NRXN1: variants seen among roughly 807,000 people sequenced by gnomAD.
NRXN1 encodes neurexin 1, also known as neurexin-1.
A neutral mutation model predicts 150.9 loss-of-function variants in NRXN1; 39 were observed. The observed-to-expected ratio is 0.26, with a 90% CI of 0.20 to 0.34. NRXN1 has a LOEUF of 0.34. Among genes scored for constraint, NRXN1 ranks in the 10% least tolerant of loss-of-function variants. The pLI is 1.00. For synonymous variants in NRXN1, 924 were observed against 757.0 expected (o/e 1.22, Z -3.62); for missense variants, 1,815 against 1,949.9 (o/e 0.93, Z 1.30).
rs1481154565 is a variant in NRXN1 at position 50,531,277 on chromosome 2, G to A, written c.2297C>T (p.Thr766Ile). ...TCCTGCGTCTAGCTCCAGGCGGAGG[G>A]TGTCAGCAGAGTCTCTAGAAGTGGT... ...MATTSRDSAD[T>I]LRLELDAGRV... Residue 766 changes from threonine to isoleucine, a missense_variant, in exon 11 of 23, where the codon ACC becomes ATC. Coordinates refer to ENST00000401669, the MANE Select transcript of NRXN1 (RefSeq NM_001330078.2). 6.2e-7 allele frequency: 1 copy of A among 1,613,594 alleles called. No homozygotes were observed. Among genetic ancestry groups the A allele is most frequent in the South Asian group, 1.1e-5 (1 of 91,042 alleles).
chr2:50,864,626 A>T (rs1676613209), intron 5 of NRXN1, among the ~76,000 whole-genome samples: 1 of 152,052 alleles, frequency 6.6e-6, no homozygotes, highest in Non-Finnish European at 1.5e-5. Context: ...ATACTGCCAT[A>T]TCACAAAAAA....
intron 15 of NRXN1, among the ~76,000 whole-genome samples, chr2:50,486,096 C>G (rs1210693802): frequency 1.3e-5 from 2 of 152,062 alleles, no homozygotes; most frequent in Non-Finnish European, 2.9e-5. Flanking sequence ...GGTACAAAAC[C>G]TTAACACAAT....
At chr2:50,020,911 T>A (rs764700108) in intron 21 of NRXN1, among the ~76,000 whole-genome samples, 1 of 152,190 alleles carries the variant, frequency 6.6e-6, no homozygotes, top group Non-Finnish European at 1.5e-5. Flanking sequence ...CTTCTCAATT[T>A]TTCTAGAAAA....
intron 2 of NRXN1, among the ~76,000 whole-genome samples, chr2:51,017,875 T>A (rs1326756230): frequency 6.6e-6 from 1 of 152,110 alleles, no homozygotes; most frequent in Non-Finnish European, 1.5e-5. Flanking sequence ...AGCTGTATAG[T>A]GGTTTCTTCC....
chr2:50,622,942 G>A (rs949163172), intron 6 of NRXN1, among the ~76,000 whole-genome samples: 4 of 152,048 alleles, frequency 2.6e-5, no homozygotes, highest in African/African-American at 9.7e-5. Flanking sequence ...AAGGAACTGT[G>A]ACTTAATGAC....
intron 2 of NRXN1, among the ~76,000 whole-genome samples, chr2:50,958,487 G>GT (rs902782419): frequency 1.6e-4 from 24 of 151,682 alleles, no homozygotes; most frequent in East Asian, 3.9e-4. Flanking sequence ...TAATAAGCTT[G>GT]TTTTTTTTAA....
At chr2:50,252,706 G>C (rs1252266424) in intron 17 of NRXN1, among the ~76,000 whole-genome samples, 1 of 152,002 alleles carries the variant, frequency 6.6e-6, no homozygotes, top group Non-Finnish European at 1.5e-5. Flanking sequence ...TTTTTGTCAG[G>C]TTTGTCGAAG....
intron 2 of NRXN1, among the ~76,000 whole-genome samples, chr2:50,957,181 G>A (rs1692412239): frequency 6.6e-6 from 1 of 152,058 alleles, no homozygotes; most frequent in African/African-American, 2.4e-5. Context: ...TAAAAATTCA[G>A]TAAAAGAACC....
At chr2:50,003,038 T>C (rs1167319015) in intron 21 of NRXN1, among the ~76,000 whole-genome samples, 1 of 152,112 alleles carries the variant, frequency 6.6e-6, no homozygotes, top group East Asian at 1.9e-4. Context: ...AAAAGATTTA[T>C]AGGATTTGAG....
intron 18 of NRXN1, among the ~76,000 whole-genome samples, chr2:50,128,582 T>C (rs540807962): frequency 6.6e-6 from 1 of 152,262 alleles, no homozygotes; most frequent in South Asian, 2.1e-4. Flanking sequence ...CAGTATAAAA[T>C]TAATCTCACT....
At chr2:50,529,951 T>C (rs1336581590) in intron 11 of NRXN1, among the ~76,000 whole-genome samples, 1 of 152,230 alleles carries the variant, frequency 6.6e-6, no homozygotes, top group African/African-American at 2.4e-5. Flanking sequence ...GATAATTTTA[T>C]ATTTTATGAG....
intron 8 of NRXN1, chr2:50,588,759 CG>C (rs1673588730): frequency 6.6e-6 from 1 of 152,144 alleles, no homozygotes; most frequent in Non-Finnish European, 1.5e-5. Context: ...ATGAACCCTA[CG>C]GCTCAGAGTA....
At chr2:50,869,559 T>C (rs1677456031) in intron 5 of NRXN1, among the ~76,000 whole-genome samples, 1 of 151,654 alleles carries the variant, frequency 6.6e-6, no homozygotes, top group East Asian at 2.0e-4. Flanking sequence ...AAATCAAATT[T>C]TAAAGAACAT....
chr2:50,716,664 T>C (rs144502981), intron 5 of NRXN1, among the ~76,000 whole-genome samples: 1 of 152,230 alleles, frequency 6.6e-6, no homozygotes, highest in Non-Finnish European at 1.5e-5. Flanking sequence ...TAAATATACA[T>C]CTCAATGTAA....
At chr2:50,363,147 A>G (rs939711497) in intron 17 of NRXN1, among the ~76,000 whole-genome samples, 9 of 152,228 alleles carry the variant, frequency 5.9e-5, no homozygotes, top group Non-Finnish European at 1.0e-4. Flanking sequence ...CTTAGAAGAA[A>G]ACCTAGGCAA....
chr2:50,874,749 G>A (rs188766414), intron 5 of NRXN1, among the ~76,000 whole-genome samples: 6 of 151,862 alleles, frequency 4.0e-5, no homozygotes, highest in Admixed American at 3.3e-4. Context: ...TTCATTTCCT[G>A]TGGGGCCCTC....
intron 8 of NRXN1, among the ~76,000 whole-genome samples, chr2:50,610,257 A>G (rs760172561): frequency 5.3e-5 from 8 of 152,040 alleles, no homozygotes; most frequent in Non-Finnish European, 1.0e-4. Flanking sequence ...AATTTATATG[A>G]AGGTGTTTTT....
intron 5 of NRXN1, among the ~76,000 whole-genome samples, chr2:50,895,341 C>T (rs1681757423): frequency 6.6e-6 from 1 of 152,072 alleles, no homozygotes; most frequent in Admixed American, 6.5e-5. Flanking sequence ...CAAGTAAATG[C>T]CTCTACATAT....
At position 51,028,474 on chromosome 2, in the gene NRXN1, C is replaced by T. The variant is rs200637779; in HGVS notation, c.-201G>A. ...CCCCGCCCTCTCTCCCTGTAGTCCT[C>T]TTCCAACTGGAAAACGTTGACCCCA... On this transcript the variant is annotated 5_prime_UTR_variant, in exon 2 of 23. Coordinates refer to ENST00000401669, the MANE Select transcript of NRXN1 (RefSeq NM_001330078.2). 4 of 430,930 alleles carry T rather than the reference C, an allele frequency of 9.3e-6. No homozygotes were observed. The highest frequency in any genetic ancestry group is 1.6e-5 in the Non-Finnish European group (4 of 245,548). The allele number at this position is 430,930 out of a possible 1,614,324, so 26.7% of individuals were successfully genotyped here.
Sources: gnomAD v4.1 joint callset for allele counts (sites outside exome capture counted in the v4.1 genomes callset) on GRCh38, gnomAD v4.1.1 for gene constraint, MANE v1.5 for transcripts, NCBI Gene and HGNC (gene_info 2026-07-23, HGNC 2026-07-21) for gene names.